TAF3: variants seen among roughly 807,000 people sequenced by gnomAD.
The protein encoded by TAF3 is transcription initiation factor TFIID subunit 3.
Under a neutral mutation model 80.6 loss-of-function variants are expected in TAF3, and 7 were observed. The observed-to-expected ratio is 0.09, with a 90% CI of 0.05 to 0.16. TAF3 has a LOEUF of 0.16. Ranked by LOEUF, TAF3 falls within the 10% of genes least tolerant of loss-of-function variation. TAF3 has a pLI of 1.00. For missense variants in TAF3, 921 were observed against 1,140.2 expected (o/e 0.81, Z 2.77); for synonymous variants, 444 against 446.1 (o/e 1.00, Z 0.06).
At chr10:7,849,500 A>G (rs1449087730) in intron 2 of TAF3, among the ~76,000 whole-genome samples, 2 of 152,172 alleles carry the variant, frequency 1.3e-5, no homozygotes, top group Non-Finnish European at 2.9e-5. Flanking sequence ...TAAGCATTGT[A>G]TGTAGGCTAA....
Position 7,965,605 on chromosome 10 carries a change from A to G in TAF3, c.2095A>G (p.Lys699Glu). 6.2e-7 allele frequency: 1 copy of G among 1,601,610 alleles called. No individual in the cohort carries two copies. The highest frequency in any genetic ancestry group is 8.5e-7 in the Non-Finnish European group (1 of 1,176,766). Reference protein sequence around the residue: ...LFEEKEKVKEKEKKKDKKEKK... With the variant: ...LFEEKEKVKEEEKKKDKKEKK... ...TGAGGAGAAAGAGAAGGTGAAGGAG[A>G]AAGAAAAGAAAAAGGACAAAAAGGA... Residue 699 changes from lysine (K) to glutamate (E), a missense_variant, in exon 3 of 7, where the codon AAA (lysine) becomes GAA (glutamate). Lys to Glu is a moderately conservative substitution (Grantham distance 56). Around this residue, in one of 6 missense-constraint regions of TAF3, gnomAD observed 743 missense variants for 821.0 expected, o/e 0.90. Coordinates refer to ENST00000344293, the MANE Select transcript of TAF3 (RefSeq NM_031923.4).
chr10:7,839,771 G>A (rs1836891401), intron 2 of TAF3, among the ~76,000 whole-genome samples: 1 of 151,938 alleles, frequency 6.6e-6, no homozygotes, highest in Non-Finnish European at 1.5e-5. Flanking sequence ...GTTATCCTCA[G>A]GAATGATTTT....
intron 2 of TAF3, among the ~76,000 whole-genome samples, chr10:7,938,856 G>A (rs1194194525): frequency 1.3e-5 from 2 of 152,172 alleles, no homozygotes; most frequent in African/African-American, 2.4e-5. Flanking sequence ...CTGAGGGAGC[G>A]GAGATTTCTG....
chr10:8,006,092 G>A (rs527256801), intron 4 of TAF3, among the ~76,000 whole-genome samples: 2 of 152,222 alleles, frequency 1.3e-5, no homozygotes, highest in African/African-American at 2.4e-5. Flanking sequence ...CACTTTGGGA[G>A]GCTGAGGTGG....
At chr10:7,936,311 G>T (rs547704445) in intron 2 of TAF3, among the ~76,000 whole-genome samples, 1 of 152,216 alleles carries the variant, frequency 6.6e-6, no homozygotes, top group African/African-American at 2.4e-5. Context: ...GCATTGTGGG[G>T]TCTGTCAAAA....
At chr10:8,013,122 T>C (rs2131443788) in intron 5 of TAF3, among the ~76,000 whole-genome samples, 1 of 152,364 alleles carries the variant, frequency 6.6e-6, no homozygotes, top group East Asian at 1.9e-4. Context: ...TATCCCCTTA[T>C]TTCATTTGCC....
intron 2 of TAF3, among the ~76,000 whole-genome samples, chr10:7,906,837 C>T (rs1230156364): frequency 6.6e-6 from 1 of 151,198 alleles, no homozygotes; most frequent in East Asian, 2.0e-4. Context: ...CCTGCCTTGG[C>T]CTCCCGAGAA....
intron 2 of TAF3, among the ~76,000 whole-genome samples, chr10:7,948,468 G>A (rs1390708901): frequency 1.3e-5 from 2 of 152,148 alleles, no homozygotes; most frequent in Non-Finnish European, 2.9e-5. Context: ...TGGATGAACT[G>A]TTCTGCTGCT....
chr10:7,864,827 T>C (rs1214937877), intron 2 of TAF3, among the ~76,000 whole-genome samples: 2 of 152,222 alleles, frequency 1.3e-5, no homozygotes, highest in Non-Finnish European at 2.9e-5. Flanking sequence ...TTTATCTTTT[T>C]TTTTTTCCTT....
intron 4 of TAF3, among the ~76,000 whole-genome samples, chr10:8,003,582 A>G (rs1831965159): frequency 6.6e-6 from 1 of 152,248 alleles, no homozygotes; most frequent in Non-Finnish European, 1.5e-5. Context: ...ATGTCTGTTG[A>G]TATGATTTCA....
Position 7,959,735 on chromosome 10 carries a change from C to T in TAF3, c.410-4185C>T, listed in dbSNP as rs561751140. Among the ~76,000 whole-genome samples the T allele has an allele frequency of 1.2e-3, 181 of 152,336 alleles. 1 individual carries two copies. Among genetic ancestry groups the T allele is most frequent in the Non-Finnish European group, 1.9e-3 (131 of 68,022 alleles). Reference sequence around the variant, plus strand: ...CTAGCCAAGCCTCACATTCTTCCTTCATTCAAAGGCCTATCTTGTAGCCAT... The same window carrying T: ...CTAGCCAAGCCTCACATTCTTCCTTTATTCAAAGGCCTATCTTGTAGCCAT... On this transcript the variant is annotated intron_variant, in intron 2 of 6. Coordinates refer to ENST00000344293, the MANE Select transcript of TAF3 (RefSeq NM_031923.4).
At chr10:7,873,623 C>T (rs548220777) in intron 2 of TAF3, among the ~76,000 whole-genome samples, 3 of 96,538 alleles carry the variant, frequency 3.1e-5, no homozygotes, top group South Asian at 4.1e-4. Context: ...GTTCTCCCCC[C>T]CCCCCCGTCA....
intron 2 of TAF3, among the ~76,000 whole-genome samples, chr10:7,956,495 A>G (rs1232611474): frequency 1.3e-5 from 2 of 152,210 alleles, no homozygotes; most frequent in East Asian, 3.8e-4. Flanking sequence ...TCAAAAAATA[A>G]TAATAATTTT....
chr10:7,824,692 AT>A, intron 2 of TAF3, 132 bp downstream of exon 2: 3 of 1,209,536 alleles, frequency 2.5e-6, no homozygotes, highest in Non-Finnish European at 3.4e-6. Context: ...CTTACAAATT[AT>A]TCTAACCCTT....
At chr10:7,868,854 A>G (rs1467003068) in intron 2 of TAF3, among the ~76,000 whole-genome samples, 1 of 152,202 alleles carries the variant, frequency 6.6e-6, no homozygotes, top group Non-Finnish European at 1.5e-5. Context: ...ACCATTTTTC[A>G]GATGAAAAAC....
At chr10:7,930,148 G>A (rs575777707) in intron 2 of TAF3, among the ~76,000 whole-genome samples, 3 of 152,142 alleles carry the variant, frequency 2.0e-5, no homozygotes, top group Non-Finnish European at 2.9e-5. Flanking sequence ...GCAGTGAACC[G>A]TGATTGTGGT....
chr10:7,967,917 G>A (rs1831588323), intron 3 of TAF3, among the ~76,000 whole-genome samples: 1 of 152,152 alleles, frequency 6.6e-6, no homozygotes, highest in African/African-American at 2.4e-5. Flanking sequence ...GATACAAATA[G>A]GAAAGGATAA....
chr10:7,927,214 T>G (rs1389522451), intron 2 of TAF3, among the ~76,000 whole-genome samples: 1 of 152,212 alleles, frequency 6.6e-6, no homozygotes, highest in Admixed American at 6.5e-5. Context: ...TTTGAGTCAT[T>G]AAATTTGCAA....
chr10:7,939,897 A>G (rs564633737), intron 2 of TAF3, among the ~76,000 whole-genome samples: 1 of 152,318 alleles, frequency 6.6e-6, no homozygotes, highest in African/African-American at 2.4e-5. Flanking sequence ...ACTAAAGGAA[A>G]TGAAATTATC....
Sources: gnomAD v4.1 joint callset for allele counts (sites outside exome capture counted in the v4.1 genomes callset) on GRCh38, gnomAD v4.1.1 for gene constraint, gnomAD v4.1.1 regional missense constraint, MANE v1.5 for transcripts, NCBI Gene and HGNC (gene_info 2026-07-23, HGNC 2026-07-21) for gene names.